Variants in GRAMD1B observed in about 807,000 individuals in gnomAD.
The protein encoded by GRAMD1B is protein Aster-B.
Under a neutral mutation model 99.7 loss-of-function variants are expected in GRAMD1B, and 37 were observed. The observed-to-expected ratio is 0.37, with a 90% CI of 0.29 to 0.49. The LOEUF is 0.49. Among genes scored for constraint, GRAMD1B ranks in the 20% least tolerant of loss-of-function variants. The probability of loss-of-function intolerance (pLI) is 0.98; values close to 1 mark genes in which losing one functional copy is unlikely to be tolerated. For synonymous variants in GRAMD1B, 427 were observed against 387.6 expected, an observed-to-expected ratio of 1.10 and a Z score of -1.19; for missense variants, 888 against 1,009.2, an observed-to-expected ratio of 0.88 and a Z score of 1.63.
chr11:123,508,763 G>A (rs1183539242), intron 2 of GRAMD1B, among the ~76,000 whole-genome samples: 1 of 151,970 alleles, frequency 6.6e-6, no homozygotes, highest in African/African-American at 2.4e-5. Context: ...TTGGCTCATA[G>A]CAACCTCTGC....
intron 18 of GRAMD1B, 44 bp downstream of exon 18, chr11:123,618,844 A>C (rs1320498085): frequency 2.1e-6 from 2 of 960,458 alleles, no homozygotes; most frequent in Admixed American, 2.0e-5. Context: ...CATCCCACCC[A>C]GTGCCATGAT....
intron 2 of GRAMD1B, among the ~76,000 whole-genome samples, chr11:123,508,031 G>A (rs1485938605): frequency 6.6e-6 from 1 of 152,200 alleles, no homozygotes; most frequent in Non-Finnish European, 1.5e-5. Context: ...TTTAACATGG[G>A]GGAAACAGTG....
Position 123,538,440 on chromosome 11 carries a change from T to G in GRAMD1B, c.453-38927T>G, listed in dbSNP as rs187733933. On this transcript the variant is annotated intron_variant, in intron 2 of 19. Transcript: ENST00000635736. ...TACTGTACAATTCACTCATTTAAGATGTACAATTCAAAGGCCTTTAATTTG... is the reference window on the plus strand; with the variant it reads ...TACTGTACAATTCACTCATTTAAGAGGTACAATTCAAAGGCCTTTAATTTG... Among the ~76,000 whole-genome samples the G allele has an allele frequency of 4.1e-4, 62 of 152,254 alleles. 1 individual carries two copies. The highest frequency in any genetic ancestry group is 6.2e-4 in the Non-Finnish European group (42 of 68,016).
At chr11:123,508,926 C>G (rs1344288891) in intron 2 of GRAMD1B, among the ~76,000 whole-genome samples, 1 of 152,194 alleles carries the variant, frequency 6.6e-6, no homozygotes, top group Non-Finnish European at 1.5e-5. Flanking sequence ...ATCAGGTGAT[C>G]TGTCTACCAC....
chr11:123,570,407 A>AC (rs1947931906), intron 2 of GRAMD1B, among the ~76,000 whole-genome samples: 2 of 125,218 alleles, frequency 1.6e-5, no homozygotes, highest in South Asian at 5.6e-4. Context: ...AAGAGTCTTT[A>AC]TTTTTTTTCT....
Position 123,373,923 on chromosome 11 carries a change from T to G in GRAMD1B, c.-176+15124T>G, listed in dbSNP as rs535968136. Among the ~76,000 whole-genome samples, 20 of 152,324 alleles carry G rather than the reference T, an allele frequency of 1.3e-4. No homozygotes were observed. In the South Asian group the frequency reaches 4.1e-3, roughly 32 times the overall value. ...TAATTATTTGGCTCTCCAATTTTGC[T>G]TTCCCCAGGGAGAATCCCATCTGGA... is the stretch of plus-strand genomic sequence containing the variant. On this transcript the variant is annotated intron_variant, in intron 1 of 20. Transcript: ENST00000638157.
intron 2 of GRAMD1B, among the ~76,000 whole-genome samples, chr11:123,506,717 G>A (rs919800453): frequency 2.0e-4 from 31 of 151,988 alleles, no homozygotes; most frequent in Non-Finnish European, 2.9e-5. Flanking sequence ...GGATTCAATG[G>A]GTTTTATTTA....
chr11:123,417,233 C>T (rs565113289), intron 1 of GRAMD1B, among the ~76,000 whole-genome samples: 16 of 152,138 alleles, frequency 1.1e-4, no homozygotes, highest in Middle Eastern at 3.4e-3. Flanking sequence ...ATTAGCTGGA[C>T]GTGGTGGTGT....
At position 123,430,898 on chromosome 11, in the gene GRAMD1B, C is replaced by T. The variant is rs768783016; in HGVS notation, c.106C>T (p.Pro36Ser). ...CCCGGTCTGGTCCAGTTCGTCGACC[C>T]CCACGCTTCGCCGCCGGCGCTTCAA... ...GSPVWSSSSTPTLRRRRFKMR... is the reference protein window; with the variant it reads ...GSPVWSSSSTSTLRRRRFKMR... Residue 36 changes from proline (P) to serine (S), a missense_variant, in exon 1 of 20, where the codon CCC (proline) becomes TCC (serine). Around this residue, in one of 5 missense-constraint regions of GRAMD1B, gnomAD observed 233 missense variants for 154.6 expected, o/e 1.51. Coordinates refer to ENST00000635736, the MANE Select transcript of GRAMD1B (RefSeq NM_001387025.1). The T allele has an allele frequency of 1.4e-6, 1 of 702,524 alleles. No homozygotes were observed. Among genetic ancestry groups the T allele is most frequent in the African/African-American group, 1.7e-5 (1 of 57,254 alleles). The allele number at this position is 702,524 out of a possible 1,614,324, so 43.5% of individuals were successfully genotyped here.
At chr11:123,427,336 C>A (rs1948691242), upstream of GRAMD1B, among the ~76,000 whole-genome samples, 1 of 152,148 alleles carries the variant, frequency 6.6e-6, no homozygotes, top group South Asian at 2.1e-4. Flanking sequence ...TTATCTGTGA[C>A]CTTGGATAAA....
At chr11:123,415,008 C>T (rs1414983600) in intron 1 of GRAMD1B, among the ~76,000 whole-genome samples, 2 of 151,132 alleles carry the variant, frequency 1.3e-5, no homozygotes, top group Admixed American at 6.6e-5. Context: ...GGCCTACTGG[C>T]GTCTTGGAGA....
intron 1 of GRAMD1B, among the ~76,000 whole-genome samples, chr11:123,373,833 C>G (rs550322360): frequency 5.4e-4 from 83 of 152,316 alleles, no homozygotes; most frequent in African/African-American, 1.9e-3. Context: ...TTTGCTAGAG[C>G]TTGAGATCCC....
chr11:123,468,837 C>T (rs1235823772), intron 1 of GRAMD1B, among the ~76,000 whole-genome samples: 1 of 148,966 alleles, frequency 6.7e-6, no homozygotes, highest in Non-Finnish European at 1.5e-5. Context: ...TGATATAGGA[C>T]CATAATGTGG....
rs950490673 is a variant in GRAMD1B, at chr11:123,569,765, G to A, written c.453-7602G>A. Among the ~76,000 whole-genome samples, 8 of 152,218 alleles carry A rather than the reference G, an allele frequency of 5.3e-5. No individual in the cohort carries two copies. In the South Asian group the frequency reaches 6.2e-4, roughly 12 times the overall value. ...TTTGGAATCAGCATGAGGATAGGAC[G>A]TGTGTAACTGGATAACAGGGTAGTC... On this transcript the variant is annotated intron_variant, in intron 2 of 19. Coordinates refer to ENST00000635736, the MANE Select transcript of GRAMD1B (RefSeq NM_001387025.1).
At chr11:123,539,141 C>T (rs534641682) in intron 2 of GRAMD1B, among the ~76,000 whole-genome samples, 274 of 152,252 alleles carry the variant, frequency 1.8e-3, no homozygotes, top group Non-Finnish European at 3.3e-3. Context: ...AGGAGGATCA[C>T]TTGATCCCAG....
At chr11:123,582,741 G>GCA in intron 3 of GRAMD1B, among the ~76,000 whole-genome samples, 1 of 152,016 alleles carries the variant, frequency 6.6e-6, no homozygotes, top group Non-Finnish European at 1.5e-5. Flanking sequence ...CATGGCCACT[G>GCA]GTCATCACCG....
intron 2 of GRAMD1B, among the ~76,000 whole-genome samples, chr11:123,488,270 T>G (rs191946623): frequency 5.3e-5 from 8 of 152,278 alleles, no homozygotes; most frequent in Admixed American, 4.6e-4. Context: ...GCACCAACAC[T>G]GAGTCTATAG....
chr11:123,596,384 A>G (rs556041851), intron 7 of GRAMD1B, among the ~76,000 whole-genome samples: 1 of 152,372 alleles, frequency 6.6e-6, no homozygotes, highest in South Asian at 2.1e-4. Flanking sequence ...ACATATATGA[A>G]AACATATATG....
chr11:123,591,949 C>T lies in GRAMD1B; in HGVS notation c.685-2133C>T, dbSNP rs975174101. On this transcript the variant is annotated intron_variant, in intron 4 of 19. Coordinates refer to ENST00000635736, the MANE Select transcript of GRAMD1B (RefSeq NM_001387025.1). This position sits in a 1 kb window ranked among gnomAD's most constrained non-coding sequence, Gnocchi z 4.7. ...AGTAGCGGCCCCCTCGATTTGCCTG[C>T]GGGTTGGAGATGGTGGCCAAACGCC... Among the ~76,000 whole-genome samples, 2 of 152,200 alleles carry T rather than the reference C, an allele frequency of 1.3e-5. No homozygotes were observed. The highest frequency in any genetic ancestry group is 2.1e-4 in the South Asian group (1 of 4,836).
Sources: allele counts gnomAD v4.1 joint callset (sites outside exome capture counted in the v4.1 genomes callset), GRCh38; gene constraint gnomAD v4.1.1; regional missense constraint gnomAD v4.1.1; non-coding constraint Gnocchi (gnomAD v3.1); transcripts MANE v1.5; gene names NCBI Gene and HGNC (gene_info 2026-07-23, HGNC 2026-07-21).